MON1A: variants seen among roughly 807,000 people sequenced by gnomAD.
MON1A encodes vacuolar fusion protein MON1 homolog A.
Under a neutral mutation model 44.6 loss-of-function variants are expected in MON1A, and 29 were observed. That is an observed-to-expected ratio of 0.65 (90% CI 0.48 to 0.89). The LOEUF is 0.89. Among genes scored for constraint, MON1A ranks in the 40% least tolerant of loss-of-function variants. The probability of loss-of-function intolerance (pLI) is 0.00; values close to 1 mark genes in which losing one functional copy is unlikely to be tolerated. For missense variants in MON1A, 615 were observed against 759.6 expected, an observed-to-expected ratio of 0.81 and a Z score of 2.24; for synonymous variants, 275 against 316.4, an observed-to-expected ratio of 0.87 and a Z score of 1.39.
At chr3:49,922,529 AGGAG>A (rs781198766) in intron 1 of MON1A, among the ~76,000 whole-genome samples, 164 of 103,812 alleles carry the variant, frequency 1.6e-3, no homozygotes, top group South Asian at 5.1e-3. Context: ...GAGAGAAGGA[AGGAG>A]GGAGGGAGGG....
chr3:49,911,299 A>G lies in MON1A; in HGVS notation c.613+227T>C, dbSNP rs1281465736. The stretch of plus-strand genomic sequence containing the variant: ...CCCAGGGGGATTCTCACTCTCTCCA[A>G]AGGCAAAGCCCATGTCAGAGGCAAC... On this transcript the variant is annotated intron_variant, in intron 3 of 5. Transcript: ENST00000296473. The surrounding 1 kb of genome is among the most constrained non-coding windows in gnomAD (Gnocchi z 5.7). Among the ~76,000 whole-genome samples, 1 of 147,008 alleles carries G rather than the reference A, an allele frequency of 6.8e-6. No individual in the cohort carries two copies. Among genetic ancestry groups the G allele is most frequent in the Non-Finnish European group, 1.5e-5 (1 of 66,026 alleles).
At chr3:49,919,502 C>T (rs1393805015) in intron 1 of MON1A, among the ~76,000 whole-genome samples, 4 of 152,208 alleles carry the variant, frequency 2.6e-5, no homozygotes, top group Admixed American at 6.6e-5. Context: ...TTTTTTGAGA[C>T]GGAGTCTCAC....
chr3:49,910,677 A>G lies in MON1A; in HGVS notation c.821T>C (p.Ile274Thr), dbSNP rs1193347056. ...LRRLLSGSERITDNLLQLMAR... is the reference protein window; with the variant it reads ...LRRLLSGSERTTDNLLQLMAR... ...CATGAGCTGCAGCAGGTTGTCGGTG[A>G]TGCGCTCTGAGCCCGAGAGTAGGCG... Residue 274 changes from isoleucine (I) to threonine (T), a missense_variant, in exon 4 of 6, where the codon ATC becomes ACC. Coordinates refer to ENST00000296473, the MANE Select transcript of MON1A (RefSeq NM_032355.4). This position sits in a 1 kb window ranked among gnomAD's most constrained non-coding sequence, Gnocchi z 8.0. 4.3e-6 allele frequency: 7 copies of G among 1,610,206 alleles called. No individual in the cohort carries two copies. The highest frequency in any genetic ancestry group is 5.9e-6 in the Non-Finnish European group (7 of 1,177,898).
Position 49,910,455 on chromosome 3 carries a change from A to G in MON1A, c.1043T>C (p.Leu348Pro), listed in dbSNP as rs757179531. The G allele has an allele frequency of 3.1e-6, 5 of 1,614,192 alleles. No individual in the cohort carries two copies. The South Asian group carries it at 5.5e-5, about 18-fold the overall frequency. The change falls in exon 4 of 6, where the codon CTC (leucine) becomes CCC (proline). Residue 348 changes from leucine to proline, a missense_variant. Transcript: ENST00000296473. The surrounding 1 kb of genome is among the most constrained non-coding windows in gnomAD (Gnocchi z 8.0). ...QFLHPIDLHL[L>P]FNLISSSSSF... ...CGAGGAGGAACTAATGAGGTTGAAGAGCAGGTGCAGGTCGATGGGGTGCAG... is the reference window on the plus strand; with the variant it reads ...CGAGGAGGAACTAATGAGGTTGAAGGGCAGGTGCAGGTCGATGGGGTGCAG...
At chr3:49,929,576 C>A in intron 1 of MON1A, 33 bp downstream of exon 1, 1 of 1,550,980 alleles carries the variant, frequency 6.4e-7, no homozygotes, top group South Asian at 1.2e-5. Flanking sequence ...TCTCTAGGTG[C>A]CTCCAGGCCA....
chr3:49,929,340 C>CGGGGGT lies in MON1A; in HGVS notation c.-14+263_-14+268dup. On this transcript the variant is annotated intron_variant, in intron 1 of 5. Coordinates refer to ENST00000296473, the MANE Select transcript of MON1A (RefSeq NM_032355.4). ...AATATGTGTACGTTTGTTGGCGGGG[C>CGGGGGT]GGGGGTGGGGGAGTGGGGAGAGTCC... 2.3e-5 allele frequency: 11 copies of CGGGGGT among 478,166 alleles called. No homozygotes were observed. The South Asian group carries it at 2.6e-4, about 11-fold the overall frequency. 29.6% of individuals were successfully genotyped at this position (478,166 alleles called of 1,614,324 possible).
intron 1 of MON1A, among the ~76,000 whole-genome samples, chr3:49,915,195 TA>T (rs2082933325): frequency 6.6e-6 from 1 of 152,238 alleles, no homozygotes; most frequent in Non-Finnish European, 1.5e-5. Context: ...TGCCCAATGT[TA>T]CTACAGGAAA....
Position 49,909,958 on chromosome 3 carries a change from T to G in MON1A, c.1379+161A>C. 5 of 761,480 alleles carry G rather than the reference T, an allele frequency of 6.6e-6. No homozygotes were observed. The highest frequency in any genetic ancestry group is 1.1e-5 in the Non-Finnish European group (5 of 459,144). The allele number at this position is 761,480 out of a possible 1,614,324, so 47.2% of individuals were successfully genotyped here. A position where few individuals can be genotyped will look rare whatever the true frequency, so the allele number is the denominator to read the frequency against. ...GGTATGCTCATGGGGTGATGGAGAG[T>G]CTGGGTCTCTGGTGCCAGAGTAAAA... On this transcript the variant is annotated intron_variant, in intron 4 of 5. Transcript: ENST00000296473. The surrounding 1 kb of genome is among the most constrained non-coding windows in gnomAD (Gnocchi z 4.0).
In MON1A at chr3:49,913,228, A is replaced by G; in HGVS notation, c.119T>C (p.Met40Thr). The G allele has an allele frequency of 6.2e-7, 1 of 1,614,236 alleles. No homozygotes were observed. Among genetic ancestry groups the G allele is most frequent in the Non-Finnish European group, 8.5e-7 (1 of 1,180,048 alleles). ...ESPTPGMAQG[M>T]EPGAGQEGAM... is the part of the protein sequence containing the mutation. ...TGTACACTTGCCCATACCTGGCTCC[A>G]TTCCCTGGGCCATTCCTGGTGTGGG... Residue 40 changes from methionine (M) to threonine (T), a missense_variant, in exon 2 of 6, where the codon ATG (methionine) becomes ACG (threonine). Coordinates refer to ENST00000296473, the MANE Select transcript of MON1A (RefSeq NM_032355.4).
chr3:49,924,653 G>C (rs556486730), intron 1 of MON1A: 1 of 167,618 alleles, frequency 6.0e-6, no homozygotes, highest in African/African-American at 2.4e-5. Flanking sequence ...CTGCACTCCA[G>C]CTTGGGTGCC....
Position 49,909,134 on chromosome 3 carries a change from G to A in MON1A, c.1548C>T (p.Leu516=). The change falls in exon 6 of 6, where the codon CTC becomes CTT. Residue 516 remains leucine, a synonymous_variant. Transcript: ENST00000296473. The surrounding 1 kb of genome is among the most constrained non-coding windows in gnomAD (Gnocchi z 4.0). ...TCCCCAGGGGGCTGTAACACATGTAGAGCTCAAAGGCGCCTGTCACCTGGA... is the reference window on the plus strand; with the variant it reads ...TCCCCAGGGGGCTGTAACACATGTAAAGCTCAAAGGCGCCTGTCACCTGGA... ...LLAWVTGAFE[L]YMCYSPLGTK... 1.2e-6 allele frequency: 2 copies of A among 1,611,126 alleles called. No homozygotes were observed. The highest frequency in any genetic ancestry group is 1.7e-6 in the Non-Finnish European group (2 of 1,177,832).
At chr3:49,913,482 T>G in intron 1 of MON1A, 123 bp from the exon 2 acceptor site, 1 of 885,920 alleles carries the variant, frequency 1.1e-6, no homozygotes, top group Non-Finnish European at 1.7e-6. Context: ...CTCTAGAAAA[T>G]GGATTCTGAG....
Position 49,911,553 on chromosome 3 carries a change from T to C in MON1A, c.586A>G (p.Lys196Glu). ...VALVSFLEADKNAIRSIHADG... is the reference protein window; with the variant it reads ...VALVSFLEADENAIRSIHADG... Reference sequence around the variant, plus strand: ...GCATGGATGGAGCGGATGGCGTTCTTGTCTGCCTCCAGGAAGGACACCAGG... The same window carrying C: ...GCATGGATGGAGCGGATGGCGTTCTCGTCTGCCTCCAGGAAGGACACCAGG... Residue 196 changes from lysine to glutamate, a missense_variant, in exon 3 of 6, where the codon AAG becomes GAG. By Grantham distance (56) the Lys-to-Glu change is moderately conservative. Coordinates refer to ENST00000296473, the MANE Select transcript of MON1A (RefSeq NM_032355.4). This position sits in a 1 kb window ranked among gnomAD's most constrained non-coding sequence, Gnocchi z 5.7. 2.5e-6 allele frequency: 4 copies of C among 1,613,024 alleles called. No homozygotes were observed. The highest frequency in any genetic ancestry group is 3.4e-6 in the Non-Finnish European group (4 of 1,179,276).
chr3:49,929,662 C>T lies in MON1A; in HGVS notation c.-67G>A, dbSNP rs1203922276. ...AGAAGGTGCCGGTCACTGCCCTCTG[C>T]CGGACCCATGGAGGGGTAAGGGTGT... On this transcript the variant is annotated 5_prime_UTR_variant, in exon 1 of 6. Coordinates refer to ENST00000296473, the MANE Select transcript of MON1A (RefSeq NM_032355.4). 5 of 1,551,390 alleles carry T rather than the reference C, an allele frequency of 3.2e-6. No homozygotes were observed. The highest frequency in any genetic ancestry group is 1.4e-5 in the African/African-American group (1 of 73,180).
rs151212260 is a variant in MON1A, at chr3:49,927,664, A to C, written c.-14+1945T>G. Among the ~76,000 whole-genome samples, 6 of 152,280 alleles carry C rather than the reference A, an allele frequency of 3.9e-5. No homozygotes were observed. The East Asian group carries it at 1.2e-3, about 29-fold the overall frequency. On this transcript the variant is annotated intron_variant, in intron 1 of 5. Transcript: ENST00000296473. ...GACAGCTGGGAGTTCCTCCAGGCTA[A>C]CTGGTTGTTCACTGGCTCTGGAGTT...
rs1559492016 is a variant in MON1A at position 49,911,243 on chromosome 3, T to G, written c.613+283A>C. On this transcript the variant is annotated intron_variant, in intron 3 of 5. Coordinates refer to ENST00000296473, the MANE Select transcript of MON1A (RefSeq NM_032355.4). The surrounding 1 kb of genome is among the most constrained non-coding windows in gnomAD (Gnocchi z 5.7). ...ATAGATAGATAGATAGATAGATAGATAGAGTTTGTTGTTGTTGTTGTTGTT... is the reference window on the plus strand; with the variant it reads ...ATAGATAGATAGATAGATAGATAGAGAGAGTTTGTTGTTGTTGTTGTTGTT... Among the ~76,000 whole-genome samples the G allele has an allele frequency of 8.7e-6, 1 of 115,578 alleles. No homozygotes were observed. The highest frequency in any genetic ancestry group is 2.0e-5 in the Non-Finnish European group (1 of 51,104). The allele number at this position is 115,578 out of a possible 152,430, so 75.8% of individuals were successfully genotyped here.
At chr3:49,916,284 G>T (rs532017879) in intron 1 of MON1A, among the ~76,000 whole-genome samples, 1 of 152,354 alleles carries the variant, frequency 6.6e-6, no homozygotes, top group East Asian at 1.9e-4. Flanking sequence ...TAGCATTTGT[G>T]TGGCATCAGC....
Position 49,909,021 on chromosome 3 carries a change from G to A in MON1A, c.1661C>T (p.Thr554Ile), listed in dbSNP as rs137875049. 6.2e-7 allele frequency: 1 copy of A among 1,612,914 alleles called. No individual in the cohort carries two copies. The highest frequency in any genetic ancestry group is 1.3e-5 in the African/African-American group (1 of 75,034). The change falls in exon 6 of 6, where the codon ACC becomes ATC. Residue 554 changes from threonine (T) to isoleucine (I), a missense_variant. Transcript: ENST00000296473. This position sits in a 1 kb window ranked among gnomAD's most constrained non-coding sequence, Gnocchi z 4.0. ...AGCCCGCACACATTCCCATCAATAG[G>A]TGAGGGGCGTGAGAATGAAGAGGCG... is the stretch of plus-strand genomic sequence containing the variant. ...EDRLFILTPL[T>I]Y is the part of the protein sequence containing the mutation.
intron 1 of MON1A, among the ~76,000 whole-genome samples, chr3:49,927,171 G>C (rs1422240870): frequency 6.6e-6 from 1 of 152,196 alleles, no homozygotes; most frequent in Non-Finnish European, 1.5e-5. Context: ...TGTCACACCT[G>C]TGATGTGGCC....
Sources: gnomAD v4.1 joint callset for allele counts (sites outside exome capture counted in the v4.1 genomes callset) on GRCh38, gnomAD v4.1.1 for gene constraint, Gnocchi (gnomAD v3.1) non-coding constraint, MANE v1.5 for transcripts, NCBI Gene and HGNC (gene_info 2026-07-23, HGNC 2026-07-21) for gene names.